VAC14: variants seen among roughly 807,000 people sequenced by gnomAD.
The protein encoded by VAC14 is protein VAC14 homolog.
A neutral mutation model predicts 85.3 loss-of-function variants in VAC14; 47 were observed. The ratio of observed to expected loss-of-function variants is 0.55; its 90% CI spans 0.44 to 0.70. The LOEUF (loss-of-function observed/expected upper bound fraction) is 0.70, where lower values mean the gene tolerates loss of function less well. Ranked by LOEUF, VAC14 falls within the 30% of genes least tolerant of loss-of-function variation. The pLI is 0.00. For synonymous variants in VAC14, 447 were observed against 430.5 expected, an observed-to-expected ratio of 1.04 and a Z score of -0.47; for missense variants, 861 against 1,004.3, an observed-to-expected ratio of 0.86 and a Z score of 1.93.
At chr16:70,737,911 G>A (rs1387603933) in intron 13 of VAC14, among the ~76,000 whole-genome samples, 1 of 152,192 alleles carries the variant, frequency 6.6e-6, no homozygotes, top group South Asian at 2.1e-4. Flanking sequence ...GCTCCACTCC[G>A]GCCTCCCTCC....
intron 13 of VAC14, among the ~76,000 whole-genome samples, chr16:70,735,590 G>A (rs746023911): frequency 4.6e-5 from 7 of 152,226 alleles, no homozygotes; most frequent in African/African-American, 1.2e-4. Flanking sequence ...TAGAAAAGGC[G>A]TTTTTCTGTG....
intron 7 of VAC14, 91 bp from the exon 8 acceptor site, chr16:70,782,094 G>T: frequency 2.0e-6 from 3 of 1,517,190 alleles, no homozygotes; most frequent in Non-Finnish European, 1.8e-6. Context: ...GGGGCTGGCG[G>T]CCTGTGGAAC....
At chr16:70,779,818 C>T (rs569500167) in intron 9 of VAC14, among the ~76,000 whole-genome samples, 8 of 151,906 alleles carry the variant, frequency 5.3e-5, no homozygotes, top group African/African-American at 1.4e-4. Context: ...AGATGCCAGT[C>T]GGCATAAATG....
At chr16:70,772,025 G>T (rs2033258585) in intron 10 of VAC14, 84 bp downstream of exon 10, 3 of 1,301,750 alleles carry the variant, frequency 2.3e-6, no homozygotes, top group Non-Finnish European at 1.1e-6. Flanking sequence ...ATTTGCCTTG[G>T]GTCATTGCTG....
At chr16:70,689,413 C>A in intron 18 of VAC14, 1 of 985,388 alleles carries the variant, frequency 1.0e-6, no homozygotes, top group Non-Finnish European at 1.2e-6. Context: ...AAAACGAACT[C>A]TTGGCCATGA....
chr16:70,696,192 A>G (rs1428355805), intron 16 of VAC14, among the ~76,000 whole-genome samples: 1 of 152,108 alleles, frequency 6.6e-6, no homozygotes, highest in Non-Finnish European at 1.5e-5. Context: ...GCACCCATGG[A>G]TGGGGCTAGT....
In VAC14 at chr16:70,762,844, A is replaced by C; in HGVS notation, c.1305+37T>G. On this transcript the variant is annotated intron_variant, in intron 11 of 18. Transcript: ENST00000261776. The surrounding 1 kb of genome is among the most constrained non-coding windows in gnomAD (Gnocchi z 4.1). ...GGCCCTGGAAAACCAAGGCGGACCC[A>C]GAAGAGGCCCCTGGCTTGGAGGGGC... The C allele has an allele frequency of 6.2e-7, 1 of 1,613,628 alleles. No individual in the cohort carries two copies. Among genetic ancestry groups the C allele is most frequent in the South Asian group, 1.1e-5 (1 of 91,014 alleles).
intron 4 of VAC14, 121 bp downstream of exon 4, chr16:70,784,655 T>C: frequency 1.0e-6 from 1 of 994,800 alleles, no homozygotes; most frequent in Non-Finnish European, 1.6e-6. Context: ...AGGGAGTACA[T>C]GTAAATTTAA....
chr16:70,732,799 G>A (rs913717689), intron 13 of VAC14, among the ~76,000 whole-genome samples: 2 of 151,842 alleles, frequency 1.3e-5, no homozygotes, highest in African/African-American at 2.4e-5. Context: ...GCGCCACCAC[G>A]CCCAGTTAAT....
intron 12 of VAC14, among the ~76,000 whole-genome samples, chr16:70,751,057 T>C (rs1050950135): frequency 1.3e-5 from 2 of 152,106 alleles, no homozygotes; most frequent in African/African-American, 4.8e-5. Flanking sequence ...AAATGGAAGA[T>C]GGATGGCTCT....
At chr16:70,794,830 C>T (rs1014780141) in intron 1 of VAC14, among the ~76,000 whole-genome samples, 1 of 152,244 alleles carries the variant, frequency 6.6e-6, no homozygotes, top group African/African-American at 2.4e-5. Context: ...CTGACCTGCA[C>T]TCCAAAAATT....
In VAC14 at chr16:70,692,911, C is replaced by A. The variant is rs1339141372; in HGVS notation, c.2096G>T (p.Gly699Val). Residue 699 changes from glycine to valine, a missense_variant, in exon 18 of 19, where the codon GGC becomes GTC. Around this residue, in one of 3 missense-constraint regions of VAC14, gnomAD observed 163 missense variants for 162.2 expected, o/e 1.00. Transcript: ENST00000261776. ...NNPYLIKALY[G>V]LLMLLPQSSA... ...GCTCTGCGGCAGGAGCATGAGCAGG[C>A]CGTAGAGGGCCTTGATCAGGTAGGG... 2 of 1,610,212 alleles carry A rather than the reference C, an allele frequency of 1.2e-6. No individual in the cohort carries two copies. The highest frequency in any genetic ancestry group is 1.7e-6 in the Non-Finnish European group (2 of 1,179,108).
At chr16:70,784,077 T>C (rs1301232915) in intron 5 of VAC14, 36 bp downstream of exon 5, 2 of 1,585,094 alleles carry the variant, frequency 1.3e-6, no homozygotes, top group South Asian at 2.2e-5. Context: ...TTTTCCAAAC[T>C]GGAGGCTGGA....
intron 18 of VAC14, chr16:70,691,903 G>T: frequency 1.0e-6 from 1 of 985,264 alleles, no homozygotes. Context: ...AGCACCCGAG[G>T]CCCTTTGCTG....
At chr16:70,718,598 A>T (rs563192789) in intron 14 of VAC14, among the ~76,000 whole-genome samples, 5 of 151,874 alleles carry the variant, frequency 3.3e-5, no homozygotes, top group African/African-American at 1.2e-4. Context: ...CAAAAAAACA[A>T]AGAAAACTGT....
chr16:70,765,013 A>C (rs1183709743), intron 10 of VAC14, among the ~76,000 whole-genome samples: 2 of 152,072 alleles, frequency 1.3e-5, no homozygotes, highest in Admixed American at 1.3e-4. Flanking sequence ...CTGGCTAGAG[A>C]AGCTCATGTC....
intron 1 of VAC14, among the ~76,000 whole-genome samples, chr16:70,792,652 A>G (rs1252783073): frequency 1.3e-5 from 2 of 152,202 alleles, no homozygotes; most frequent in East Asian, 1.9e-4. Flanking sequence ...AGACTGCCAC[A>G]CTGACTACCT....
intron 14 of VAC14, among the ~76,000 whole-genome samples, chr16:70,707,047 C>T (rs942946771): frequency 2.0e-5 from 3 of 152,210 alleles, no homozygotes; most frequent in Admixed American, 2.0e-4. Flanking sequence ...GAGAAAGCAG[C>T]TTTTGGGTCA....
At position 70,692,027 on chromosome 16, in the gene VAC14, G is replaced by A. The variant is rs1365331418; in HGVS notation, c.2186+794C>T. ...CCATTCAGCGTAAATCTTCTCAGTG[G>A]CTCTGCTGGTTTCCATGGCGACCTG... On this transcript the variant is annotated intron_variant, in intron 18 of 18. Transcript: ENST00000261776. 14 of 984,462 alleles carry A rather than the reference G, an allele frequency of 1.4e-5. No individual in the cohort carries two copies. The South Asian group carries it at 3.3e-4, about 23-fold the overall frequency. The allele number at this position is 984,462 out of a possible 1,614,324, so 61.0% of individuals were successfully genotyped here.
Sources: gnomAD v4.1 joint callset for allele counts (sites outside exome capture counted in the v4.1 genomes callset) on GRCh38, gnomAD v4.1.1 for gene constraint, gnomAD v4.1.1 regional missense constraint, Gnocchi (gnomAD v3.1) non-coding constraint, MANE v1.5 for transcripts, NCBI Gene and HGNC (gene_info 2026-07-23, HGNC 2026-07-21) for gene names.